TOM1L1: variants seen among roughly 807,000 people sequenced by gnomAD.
The protein encoded by TOM1L1 is TOM1-like protein 1.
In TOM1L1, 64 loss-of-function variants were observed where a neutral mutation model predicts 63.4. The ratio of observed to expected loss-of-function variants is 1.01; its 90% CI spans 0.83 to 1.24. TOM1L1 has a LOEUF of 1.24. Among genes scored for constraint, TOM1L1 ranks in the 50% most tolerant of loss-of-function variants. The probability of loss-of-function intolerance (pLI) is 0.00; values close to 1 mark genes in which losing one functional copy is unlikely to be tolerated. For missense variants in TOM1L1, 536 were observed against 567.0 expected, an observed-to-expected ratio of 0.95 and a Z score of 0.55; for synonymous variants, 166 against 194.4, an observed-to-expected ratio of 0.85 and a Z score of 1.22.
intron 7 of TOM1L1, among the ~76,000 whole-genome samples, chr17:54,921,468 G>A (rs1273226706): frequency 6.6e-6 from 1 of 152,146 alleles, no homozygotes; most frequent in Non-Finnish European, 1.5e-5. Flanking sequence ...GGCCCGGCGT[G>A]GTGGCTCACA....
At chr17:54,907,716 T>C (rs889761496) in intron 3 of TOM1L1, among the ~76,000 whole-genome samples, 2 of 151,528 alleles carry the variant, frequency 1.3e-5, no homozygotes, top group African/African-American at 4.9e-5. Flanking sequence ...AAATATAGTA[T>C]ATCTGGGATA....
At chr17:54,959,779 G>C (rs778225512) in intron 14 of TOM1L1, among the ~76,000 whole-genome samples, 3 of 151,956 alleles carry the variant, frequency 2.0e-5, no homozygotes, top group Non-Finnish European at 4.4e-5. Context: ...CACCACACAT[G>C]ATAATTTTTA....
chr17:54,918,049 C>T (rs560899076), intron 7 of TOM1L1, among the ~76,000 whole-genome samples: 1 of 152,304 alleles, frequency 6.6e-6, no homozygotes, highest in East Asian at 1.9e-4. Flanking sequence ...GTACCTCAAC[C>T]AATCTGTTAG....
intron 14 of TOM1L1, chr17:54,953,139 G>A (rs969054018): frequency 1.3e-5 from 2 of 152,366 alleles, no homozygotes; most frequent in Admixed American, 1.3e-4. Context: ...AACACTTTGG[G>A]AGGCCAAGGC....
intron 3 of TOM1L1, among the ~76,000 whole-genome samples, chr17:54,907,732 A>G (rs1567819771): frequency 6.6e-6 from 1 of 152,200 alleles, no homozygotes; most frequent in South Asian, 2.1e-4. Flanking sequence ...GGATATCTCA[A>G]GGGTGCCAAA....
chr17:54,930,149 C>T lies in TOM1L1; in HGVS notation c.797C>T (p.Thr266Ile), dbSNP rs898848980. The change falls in exon 8 of 16, where the codon ACT (threonine) becomes ATT (isoleucine). Residue 266 changes from threonine (T) to isoleucine (I), a missense_variant. By Grantham distance (89) the Thr-to-Ile change is moderately conservative. Transcript: ENST00000575882. The stretch of plus-strand genomic sequence containing the variant: ...GTGGTGGTGGAGAACGAAGATGTAA[C>T]TGTTGAGCTAATTCAGGTGAATGAG... ...LLVVVENEDV[T>I]VELIQVNEDL... 2 of 1,613,972 alleles carry T rather than the reference C, an allele frequency of 1.2e-6. No individual in the cohort carries two copies. Among genetic ancestry groups the T allele is most frequent in the African/African-American group, 2.7e-5 (2 of 74,916 alleles).
intron 7 of TOM1L1, among the ~76,000 whole-genome samples, chr17:54,920,171 G>A (rs1285801825): frequency 6.6e-6 from 1 of 152,080 alleles, no homozygotes; most frequent in Non-Finnish European, 1.5e-5. Context: ...CCTTATAACT[G>A]CAGGGGCTTT....
At chr17:54,955,747 T>G (rs546467057) in intron 14 of TOM1L1, among the ~76,000 whole-genome samples, 1 of 152,322 alleles carries the variant, frequency 6.6e-6, no homozygotes, top group East Asian at 1.9e-4. Flanking sequence ...TCCCTTGACC[T>G]AGGTCCTAAT....
chr17:54,949,147 C>T (rs992521131), intron 12 of TOM1L1, among the ~76,000 whole-genome samples: 1 of 151,756 alleles, frequency 6.6e-6, no homozygotes, highest in Non-Finnish European at 1.5e-5. Context: ...TCGTGATCCT[C>T]CTGCCTTGGT....
At chr17:54,942,454 G>A (rs1414364866) in intron 11 of TOM1L1, 1 of 152,068 alleles carries the variant, frequency 6.6e-6, no homozygotes, top group Non-Finnish European at 1.5e-5. Flanking sequence ...AACAAGCTAA[G>A]AAGTATAGAA....
intron 7 of TOM1L1, 101 bp downstream of exon 7, chr17:54,915,963 A>G (rs765815233): frequency 7.1e-6 from 5 of 707,130 alleles, no homozygotes; most frequent in Admixed American, 2.7e-5. Context: ...TGTCTAGTAC[A>G]TCCTCCTACA....
chr17:54,904,471 A>G (rs1414642343), intron 2 of TOM1L1, among the ~76,000 whole-genome samples: 1 of 152,110 alleles, frequency 6.6e-6, no homozygotes, highest in Non-Finnish European at 1.5e-5. Context: ...ATCAAATATT[A>G]TCAAGAAGCT....
intron 11 of TOM1L1, chr17:54,942,632 TTCTC>T (rs954075808): frequency 2.0e-5 from 3 of 152,228 alleles, no homozygotes; most frequent in Admixed American, 6.5e-5. Flanking sequence ...TTTCAGTAAC[TTCTC>T]TCTTTTTGTT....
At chr17:54,902,216 T>C (rs1441884291) in intron 1 of TOM1L1, among the ~76,000 whole-genome samples, 5 of 152,220 alleles carry the variant, frequency 3.3e-5, no homozygotes, top group African/African-American at 7.2e-5. Flanking sequence ...TTTTGAAGGG[T>C]GAATAGGAGT....
chr17:54,955,184 G>C (rs2049434397), intron 14 of TOM1L1: 1 of 152,192 alleles, frequency 6.6e-6, no homozygotes, highest in South Asian at 2.1e-4. Flanking sequence ...ACCATGCAAA[G>C]CCATCCAGAG....
At chr17:54,949,234 T>C (rs909765150) in intron 12 of TOM1L1, among the ~76,000 whole-genome samples, 2 of 121,484 alleles carry the variant, frequency 1.6e-5, no homozygotes, top group Non-Finnish European at 3.6e-5. Context: ...AGTTGGGGTC[T>C]TGCTGTTGCC....
intron 14 of TOM1L1, among the ~76,000 whole-genome samples, chr17:54,956,440 G>A (rs1162858859): frequency 2.0e-5 from 3 of 151,968 alleles, no homozygotes; most frequent in African/African-American, 7.3e-5. Context: ...GAGTAGCTGG[G>A]GACTACAAGC....
intron 3 of TOM1L1, among the ~76,000 whole-genome samples, chr17:54,906,179 A>T (rs1343400546): frequency 1.3e-5 from 2 of 150,512 alleles, no homozygotes; most frequent in East Asian, 4.0e-4. Flanking sequence ...CTTAAAAAAA[A>T]AGTTTGTGGC....
intron 3 of TOM1L1, among the ~76,000 whole-genome samples, chr17:54,909,932 A>G (rs2048470763): frequency 6.6e-6 from 1 of 152,210 alleles, no homozygotes; most frequent in South Asian, 2.1e-4. Flanking sequence ...TTTATTACTT[A>G]TCTGAGTGAG....
Sources: allele counts gnomAD v4.1 joint callset (sites outside exome capture counted in the v4.1 genomes callset), GRCh38; gene constraint gnomAD v4.1.1; transcripts MANE v1.5; gene names NCBI Gene and HGNC (gene_info 2026-07-23, HGNC 2026-07-21).